Variants in NEBL observed in about 807,000 individuals in gnomAD.
NEBL encodes the protein nebulette.
In NEBL, 122 loss-of-function variants were observed where a neutral mutation model predicts 140.2. That is an observed-to-expected ratio of 0.87 (90% CI 0.75 to 1.01). The LOEUF (loss-of-function observed/expected upper bound fraction) is 1.01, where lower values mean the gene tolerates loss of function less well. NEBL is among the 50% of genes least tolerant of loss of function. NEBL has a pLI of 0.00. For missense variants in NEBL, 1,365 were observed against 1,231.3 expected (o/e 1.11, Z -1.62); for synonymous variants, 436 against 398.9 (o/e 1.09, Z -1.11).
chr10:20,973,053 T>C (rs1232252814), intron 3 of NEBL, among the ~76,000 whole-genome samples: 1 of 152,132 alleles, frequency 6.6e-6, no homozygotes, highest in East Asian at 1.9e-4. Context: ...TTATGGCTTC[T>C]TAGCTAACCG....
At chr10:20,985,533 T>A (rs184091887) in intron 3 of NEBL, among the ~76,000 whole-genome samples, 65 of 152,278 alleles carry the variant, frequency 4.3e-4, no homozygotes, top group African/African-American at 1.4e-3. Context: ...AAAAAACTCA[T>A]TACCATGAAA....
chr10:21,084,359 G>T (rs1123710), intron 2 of NEBL, among the ~76,000 whole-genome samples: 1 of 152,260 alleles, frequency 6.6e-6, no homozygotes, highest in South Asian at 2.1e-4. Context: ...AGAGTCTATA[G>T]TTTGTTTCTC....
chr10:21,288,371 G>C (rs1326857752), intron 1 of NEBL, among the ~76,000 whole-genome samples: 1 of 152,118 alleles, frequency 6.6e-6, no homozygotes, highest in African/African-American at 2.4e-5. Flanking sequence ...GGGAGGCTGA[G>C]GCAGGAGAAT....
In NEBL at chr10:20,786,613, A is replaced by G. The variant is rs531045559; in HGVS notation, c.2868+589T>C. On this transcript the variant is annotated intron_variant, in intron 27 of 27. Transcript: ENST00000377122. ...ATGGCTGGGACCCAAAGAATTTTAG[A>G]GCAATTCAAGTTACCGGACAGTGTA... 2.6e-5 allele frequency among the ~76,000 whole-genome samples: 4 copies of G among 152,334 alleles called. No individual in the cohort carries two copies. The South Asian group carries it at 8.3e-4, about 32-fold the overall frequency.
intron 4 of NEBL, among the ~76,000 whole-genome samples, chr10:20,907,147 GA>G (rs1438196431): frequency 1.3e-5 from 2 of 151,926 alleles, no homozygotes; most frequent in African/African-American, 4.8e-5. Context: ...CTTAAGCATG[GA>G]AAAAACCTTT....
intron 2 of NEBL, among the ~76,000 whole-genome samples, chr10:21,086,568 A>T (rs1836641435): frequency 6.6e-6 from 1 of 152,186 alleles, no homozygotes; most frequent in Non-Finnish European, 1.5e-5. Context: ...ACTTGAGCTC[A>T]GGAATTTGAG....
rs1364913675 is a variant in NEBL at position 20,826,524 on chromosome 10, C to A, written c.1792G>T (p.Glu598Ter). The change falls in exon 18 of 28, where the codon GAA becomes TAA. Residue 598 changes from glutamate (E) to a stop codon, truncating the protein, a stop_gained. Transcript: ENST00000377122. LOFTEE classifies it high-confidence loss of function. ...TTCACTGCAGTGCCAGCTCCCACTT[C>A]TTTCTTATAAAATACCTTTATTATA... The part of the protein sequence containing the change: ...QNISAVFYKK[E>*]VGAGTAVKDS... 1.2e-6 allele frequency: 2 copies of A among 1,611,098 alleles called. No individual in the cohort carries two copies. Among genetic ancestry groups the A allele is most frequent in the South Asian group, 2.2e-5 (2 of 90,990 alleles).
chr10:20,830,783 G>A (rs973394699), intron 16 of NEBL, among the ~76,000 whole-genome samples: 3 of 151,412 alleles, frequency 2.0e-5, no homozygotes, highest in African/African-American at 7.3e-5. Flanking sequence ...CTTGGGCTGG[G>A]CACAATGGCT....
intron 18 of NEBL, among the ~76,000 whole-genome samples, chr10:20,823,551 G>C (rs1381269674): frequency 6.6e-6 from 1 of 151,750 alleles, no homozygotes; most frequent in Non-Finnish European, 1.5e-5. Flanking sequence ...AGCAAATGTT[G>C]CTTATAAAAA....
chr10:21,015,446 A>G (rs900056235), intron 3 of NEBL, among the ~76,000 whole-genome samples: 1 of 152,256 alleles, frequency 6.6e-6, no homozygotes, highest in Non-Finnish European at 1.5e-5. Flanking sequence ...CACAGCCCGA[A>G]AAAGGGAATG....
At position 21,020,247 on chromosome 10, in the gene NEBL, C is replaced by A. The variant is rs200283864; in HGVS notation, c.165-46G>T. On this transcript the variant is annotated intron_variant, in intron 2 of 6. Transcript: ENST00000417816. The stretch of plus-strand genomic sequence containing the variant: ...AGGACATAATTAAAATATTGTGCTA[C>A]AAAACAACACTTTCACACCCATTGT... 6.4e-4 allele frequency: 968 copies of A among 1,513,870 alleles called. 4 individuals carry two copies. The African/African-American group carries it at 8.1e-3, about 13-fold the overall frequency. The allele number at this position is 1,513,870 out of a possible 1,614,324, so 93.8% of individuals were successfully genotyped here.
chr10:20,997,919 C>T (rs898178808), intron 3 of NEBL, among the ~76,000 whole-genome samples: 2 of 151,962 alleles, frequency 1.3e-5, no homozygotes, highest in Admixed American at 1.3e-4. Context: ...AATCATTGAC[C>T]TCCAAATGAA....
chr10:21,001,379 C>T (rs541097509), intron 3 of NEBL, among the ~76,000 whole-genome samples: 1 of 152,180 alleles, frequency 6.6e-6, no homozygotes, highest in South Asian at 2.1e-4. Context: ...GGAACACAGC[C>T]AGAGTTCTTC....
chr10:21,049,961 G>T (rs961294014), intron 2 of NEBL, among the ~76,000 whole-genome samples: 5 of 152,162 alleles, frequency 3.3e-5, no homozygotes, highest in Admixed American at 1.3e-4. Flanking sequence ...AAGAGCTTTA[G>T]TATCCCCCAG....
chr10:21,102,691 T>G (rs928849069), intron 2 of NEBL, among the ~76,000 whole-genome samples: 2 of 152,212 alleles, frequency 1.3e-5, no homozygotes, highest in Non-Finnish European at 2.9e-5. Context: ...ATTGTATGAG[T>G]ATAACAAAAT....
intron 1 of NEBL, among the ~76,000 whole-genome samples, chr10:21,276,602 G>T (rs1260024112): frequency 2.0e-5 from 3 of 152,130 alleles, no homozygotes; most frequent in Non-Finnish European, 4.4e-5. Flanking sequence ...GAGGTGGATG[G>T]ATCTCTTGAG....
intron 1 of NEBL, among the ~76,000 whole-genome samples, chr10:21,292,374 C>T (rs545081367): frequency 6.6e-6 from 1 of 152,264 alleles, no homozygotes; most frequent in South Asian, 2.1e-4. Context: ...ACCAGAATAT[C>T]ACTGGAATTG....
At chr10:21,021,187 A>G (rs567264800) in intron 2 of NEBL, among the ~76,000 whole-genome samples, 4 of 152,192 alleles carry the variant, frequency 2.6e-5, no homozygotes, top group Middle Eastern at 3.4e-3. Context: ...TATCTCAACT[A>G]TTTACTTATA....
chr10:21,106,723 A>G lies in NEBL; in HGVS notation c.164+65660T>C, dbSNP rs143746354. On this transcript the variant is annotated intron_variant, in intron 2 of 6. Coordinates refer to the NEBL transcript ENST00000417816. Reference sequence around the variant, plus strand: ...AGTAGTTTTTTCCAATTCTGTGAAGAAAGTCAGTAGTAGCTTGATGGGGAT... The same window carrying G: ...AGTAGTTTTTTCCAATTCTGTGAAGGAAGTCAGTAGTAGCTTGATGGGGAT... Among the ~76,000 whole-genome samples, 707 of 152,302 alleles carry G rather than the reference A, an allele frequency of 4.6e-3. 5 individuals are homozygous for G. The highest frequency in any genetic ancestry group is 0.016 in the African/African-American group (673 of 41,556).
Sources: allele counts gnomAD v4.1 joint callset (sites outside exome capture counted in the v4.1 genomes callset), GRCh38; gene constraint gnomAD v4.1.1; transcripts MANE v1.5; gene names NCBI Gene and HGNC (gene_info 2026-07-23, HGNC 2026-07-21).